WSCD1: variants seen among roughly 807,000 people sequenced by gnomAD.
WSCD1 encodes WSC domain sialate O sulfotransferase 1, also known as sialate:O-sulfotransferase 1.
WSCD1 carries 41 observed loss-of-function variants against 60.4 expected under a neutral mutation model. The observed-to-expected ratio is 0.68, with a 90% CI of 0.53 to 0.88. The LOEUF is 0.88. Among genes scored for constraint, WSCD1 ranks in the 40% least tolerant of loss-of-function variants. The probability of loss-of-function intolerance (pLI) is 0.00; values close to 1 mark genes in which losing one functional copy is unlikely to be tolerated. For missense variants in WSCD1, 784 were observed against 796.2 expected (o/e 0.98, Z 0.18); for synonymous variants, 361 against 332.5 (o/e 1.09, Z -0.93).
intron 4 of WSCD1, among the ~76,000 whole-genome samples, chr17:6,094,780 A>AAGGAAGGGAGGG (rs1910298439): frequency 6.7e-6 from 1 of 149,700 alleles, no homozygotes; most frequent in African/African-American, 2.5e-5. Flanking sequence ...CAAGAGAAGG[A>AAGGAAGGGAGGG]AGGAAGGAAG....
intron 5 of WSCD1, among the ~76,000 whole-genome samples, chr17:6,100,435 C>T (rs796144909): frequency 4.2e-4 from 64 of 152,368 alleles, no homozygotes; most frequent in African/African-American, 1.5e-3. Flanking sequence ...AAACCGCCAT[C>T]TGCCCAACGG....
At chr17:6,095,360 G>T in intron 5 of WSCD1, 137 bp downstream of exon 5, 1 of 1,237,616 alleles carries the variant, frequency 8.1e-7, no homozygotes, top group Non-Finnish European at 1.1e-6. Context: ...GCATGGATGG[G>T]AGGCAGGCAC....
At chr17:6,115,844 C>T (rs1317623897) in intron 7 of WSCD1, among the ~76,000 whole-genome samples, 1 of 152,096 alleles carries the variant, frequency 6.6e-6, no homozygotes, top group Non-Finnish European at 1.5e-5. Context: ...GATCTGCCTG[C>T]CTCACCCTCC....
chr17:6,117,275 A>C (rs543552583), intron 7 of WSCD1, among the ~76,000 whole-genome samples: 5 of 152,342 alleles, frequency 3.3e-5, no homozygotes, highest in Admixed American at 6.5e-5. Context: ...ACAAGTCTCC[A>C]TTCATAGAAA....
At chr17:6,094,394 A>G (rs984478344) in intron 4 of WSCD1, among the ~76,000 whole-genome samples, 3 of 152,174 alleles carry the variant, frequency 2.0e-5, no homozygotes, top group Admixed American at 2.0e-4. Context: ...AAGAACAAAC[A>G]TGGCTGGGTT....
At chr17:6,077,410 C>T (rs1233264256) in intron 1 of WSCD1, among the ~76,000 whole-genome samples, 3 of 152,162 alleles carry the variant, frequency 2.0e-5, no homozygotes, top group South Asian at 2.1e-4. Flanking sequence ...TACCAGTCTA[C>T]CCGCAATGAG....
intron 5 of WSCD1, among the ~76,000 whole-genome samples, chr17:6,098,338 T>G (rs1910583896): frequency 6.6e-6 from 1 of 152,178 alleles, no homozygotes; most frequent in Non-Finnish European, 1.5e-5. Flanking sequence ...TCAACTTGTA[T>G]TTTCAGCCTT....
At chr17:6,091,022 C>T (rs909080884) in intron 4 of WSCD1, among the ~76,000 whole-genome samples, 1 of 152,146 alleles carries the variant, frequency 6.6e-6, no homozygotes, top group Admixed American at 6.5e-5. Context: ...TCCCGAGGAG[C>T]TAGGATTACA....
At chr17:6,115,946 G>A (rs917985577) in intron 7 of WSCD1, among the ~76,000 whole-genome samples, 8 of 152,270 alleles carry the variant, frequency 5.3e-5, no homozygotes, top group African/African-American at 1.9e-4. Flanking sequence ...AGTTGATACT[G>A]TCAGTAACAT....
At chr17:6,069,407 G>A, upstream of WSCD1, 1 of 320,880 alleles carries the variant, frequency 3.1e-6, no homozygotes, top group Non-Finnish European at 5.3e-6. Flanking sequence ...GTGTGTGTGT[G>A]TGTGTGTGTG....
intron 7 of WSCD1, among the ~76,000 whole-genome samples, 155 bp from the exon 8 acceptor site, chr17:6,117,833 C>T (rs1405807967): frequency 6.6e-6 from 1 of 152,160 alleles, no homozygotes; most frequent in African/African-American, 2.4e-5. Flanking sequence ...GAGGCCGTTC[C>T]TATCACCATC....
chr17:6,100,754 C>G (rs1221509297), intron 5 of WSCD1, among the ~76,000 whole-genome samples: 1 of 152,218 alleles, frequency 6.6e-6, no homozygotes, highest in Non-Finnish European at 1.5e-5. Context: ...TTGTGACACA[C>G]AGTCCCCACA....
At chr17:6,070,205 C>T (rs1268032647), upstream of WSCD1, among the ~76,000 whole-genome samples, 2 of 146,786 alleles carry the variant, frequency 1.4e-5, no homozygotes, top group Non-Finnish European at 3.0e-5. Flanking sequence ...CGTCTCTGCT[C>T]GGCAGTGGCG....
chr17:6,082,203 G>A (rs1364353568), intron 2 of WSCD1, among the ~76,000 whole-genome samples: 2 of 152,172 alleles, frequency 1.3e-5, no homozygotes, highest in South Asian at 2.1e-4. Context: ...TTCTCTTAGT[G>A]TGGGTTCCCT....
At chr17:6,097,233 G>C (rs1261656858) in intron 5 of WSCD1, among the ~76,000 whole-genome samples, 1 of 152,260 alleles carries the variant, frequency 6.6e-6, no homozygotes, top group Non-Finnish European at 1.5e-5. Context: ...GAAGAGAAGG[G>C]AAAGAAAGGG....
chr17:6,076,111 C>T (rs971489340), intron 1 of WSCD1, among the ~76,000 whole-genome samples: 4 of 152,124 alleles, frequency 2.6e-5, no homozygotes, highest in Non-Finnish European at 5.9e-5. Context: ...TAGGAAGCTT[C>T]GTGGGCATAA....
rs771419165 is a variant in WSCD1 at position 6,093,813 on chromosome 17, G to A, written c.728-1289G>A. Reference sequence around the variant, plus strand: ...GAGTCTGAGCCCGAGACATGGCAGAGTTGCAGAGCTGGTCACTGGCAGTGC... The same window carrying A: ...GAGTCTGAGCCCGAGACATGGCAGAATTGCAGAGCTGGTCACTGGCAGTGC... On this transcript the variant is annotated intron_variant, in intron 4 of 8. Transcript: ENST00000317744. Among the ~76,000 whole-genome samples, 43 of 152,210 alleles carry A rather than the reference G, an allele frequency of 2.8e-4. 1 individual carries two copies. Among genetic ancestry groups the A allele is most frequent in the Non-Finnish European group, 5.3e-4 (36 of 68,048 alleles).
intron 2 of WSCD1, among the ~76,000 whole-genome samples, chr17:6,086,984 A>G (rs540823587): frequency 6.6e-6 from 1 of 152,306 alleles, no homozygotes; most frequent in South Asian, 2.1e-4. Context: ...CCCAGGTGAC[A>G]TGAATGAGCG....
At chr17:6,081,225 G>T in intron 2 of WSCD1, 140 bp downstream of exon 2, 1 of 1,103,252 alleles carries the variant, frequency 9.1e-7, no homozygotes, top group Non-Finnish European at 1.2e-6. Context: ...AGGACAGGAA[G>T]GGGCCTGCGA....
Sources: gnomAD v4.1 joint callset for allele counts (sites outside exome capture counted in the v4.1 genomes callset) on GRCh38, gnomAD v4.1.1 for gene constraint, MANE v1.5 for transcripts, NCBI Gene and HGNC (gene_info 2026-07-23, HGNC 2026-07-21) for gene names.